The following SKIL variants were observed in gnomAD, a reference collection of about 807,000 sequenced individuals.
The protein encoded by SKIL is ski-like protein.
SKIL carries 20 observed loss-of-function variants against 69.6 expected under a neutral mutation model. The observed-to-expected ratio is 0.29, with a 90% CI of 0.20 to 0.42. The LOEUF is 0.42. Ranked by LOEUF, SKIL falls within the 10% of genes least tolerant of loss-of-function variation. The probability of loss-of-function intolerance (pLI) is 1.00; values close to 1 mark genes in which losing one functional copy is unlikely to be tolerated. For missense variants in SKIL, 745 were observed against 783.1 expected (o/e 0.95, Z 0.58); for synonymous variants, 310 against 279.9 (o/e 1.11, Z -1.08).
intron 2 of SKIL, among the ~76,000 whole-genome samples, chr3:170,369,082 A>ATTTTTTTTTTTTTT (rs55652320): frequency 7.9e-6 from 1 of 126,776 alleles, no homozygotes; most frequent in African/African-American, 3.0e-5. Flanking sequence ...TATCCCTGGC[A>ATTTTTTTTTTTTTT]TTTTTTTTTT....
At chr3:170,374,836 T>C (rs1736956442) in intron 2 of SKIL, among the ~76,000 whole-genome samples, 2 of 152,342 alleles carry the variant, frequency 1.3e-5, no homozygotes, top group African/African-American at 4.8e-5. Flanking sequence ...TTGTATTGTT[T>C]AATTTATATC....
intron 2 of SKIL, among the ~76,000 whole-genome samples, chr3:170,373,099 C>T (rs781444644): frequency 1.3e-5 from 2 of 149,964 alleles, no homozygotes; most frequent in African/African-American, 2.5e-5. Context: ...CAGGTTCAAG[C>T]GATTCTCTTG....
At chr3:170,372,512 C>CT (rs750023745) in intron 2 of SKIL, among the ~76,000 whole-genome samples, 28 of 152,336 alleles carry the variant, frequency 1.8e-4, no homozygotes, top group Non-Finnish European at 3.4e-4. Flanking sequence ...CTTGAAATCT[C>CT]TAAGTAGCTA....
At position 170,392,242 on chromosome 3, in the gene SKIL, C is replaced by T. The variant is rs1177971826; in HGVS notation, c.1897-17C>T. On this transcript the variant is annotated splice_polypyrimidine_tract_variant and intron_variant, in intron 6 of 6. Coordinates refer to ENST00000259119, the MANE Select transcript of SKIL (RefSeq NM_005414.5). ...AACAAAACAATTAAAATTGATAGCG[C>T]CTTTTAAATCACATAGTTGGCAGAA... The T allele has an allele frequency of 1.5e-5, 24 of 1,559,740 alleles. No individual in the cohort carries two copies. Among genetic ancestry groups the T allele is most frequent in the Non-Finnish European group, 1.8e-5 (21 of 1,155,702 alleles).
chr3:170,366,535 C>T (rs1736522052), intron 2 of SKIL, among the ~76,000 whole-genome samples: 1 of 152,042 alleles, frequency 6.6e-6, no homozygotes, highest in African/African-American at 2.4e-5. Context: ...CAAAAGTTAG[C>T]AGGGGATGGT....
chr3:170,370,016 G>A (rs999697098), intron 2 of SKIL, among the ~76,000 whole-genome samples: 6 of 151,814 alleles, frequency 4.0e-5, no homozygotes, highest in Admixed American at 3.3e-4. Context: ...GAGACGGGCG[G>A]ATCATGAGGT....
intron 2 of SKIL, among the ~76,000 whole-genome samples, chr3:170,380,556 T>C (rs1187281322): frequency 6.6e-6 from 1 of 151,574 alleles, no homozygotes; most frequent in Non-Finnish European, 1.5e-5. Flanking sequence ...AAGCAGAGAA[T>C]CGCTTGAACC....
intron 2 of SKIL, among the ~76,000 whole-genome samples, chr3:170,365,931 T>G (rs899510281): frequency 2.0e-5 from 3 of 152,028 alleles, no homozygotes; most frequent in Non-Finnish European, 4.4e-5. Flanking sequence ...AATTTTTTTA[T>G]TTTTAGTCCA....
At chr3:170,369,082 A>ATTTTTTTTTTTTTTTTTTTTTTT (rs55652320) in intron 2 of SKIL, among the ~76,000 whole-genome samples, 1 of 126,776 alleles carries the variant, frequency 7.9e-6, no homozygotes, top group African/African-American at 3.0e-5. Flanking sequence ...TATCCCTGGC[A>ATTTTTTTTTTTTTTTTTTTTTTT]TTTTTTTTTT....
intron 2 of SKIL, among the ~76,000 whole-genome samples, chr3:170,371,757 C>T (rs1431718047): frequency 6.6e-6 from 1 of 152,134 alleles, no homozygotes; most frequent in African/African-American, 2.4e-5. Flanking sequence ...TCATTACATA[C>T]AATGGATGCC....
At chr3:170,384,415 A>G (rs1737512545) in intron 3 of SKIL, 118 bp from the exon 4 acceptor site, 2 of 567,248 alleles carry the variant, frequency 3.5e-6, no homozygotes, top group South Asian at 2.5e-5. Context: ...GAGTTGTAAT[A>G]TTGTCTGTTT....
At chr3:170,383,312 A>G (rs1224609755) in intron 3 of SKIL, among the ~76,000 whole-genome samples, 2 of 152,214 alleles carry the variant, frequency 1.3e-5, no homozygotes, top group African/African-American at 4.8e-5. Context: ...CCTGTCAGAA[A>G]ACTGAGATTT....
At chr3:170,369,107 G>A (rs1290426560) in intron 2 of SKIL, among the ~76,000 whole-genome samples, 1 of 91,180 alleles carries the variant, frequency 1.1e-5, no homozygotes, top group Non-Finnish European at 2.1e-5. Context: ...TTTTTTTTTT[G>A]AAATCTGTAG....
chr3:170,373,032 G>T (rs1168928233), intron 2 of SKIL, among the ~76,000 whole-genome samples: 1 of 140,102 alleles, frequency 7.1e-6, no homozygotes, highest in East Asian at 2.1e-4. Context: ...CTGTCGCCCA[G>T]GCTGGAGTTC....
chr3:170,369,792 C>T (rs1160686155), intron 2 of SKIL, among the ~76,000 whole-genome samples: 1 of 152,146 alleles, frequency 6.6e-6, no homozygotes, highest in Non-Finnish European at 1.5e-5. Flanking sequence ...AGGGGTAGAA[C>T]TTGTTTGAGA....
At chr3:170,379,805 C>T (rs1054008830) in intron 2 of SKIL, among the ~76,000 whole-genome samples, 4 of 151,936 alleles carry the variant, frequency 2.6e-5, no homozygotes, top group Admixed American at 1.3e-4. Flanking sequence ...CACCATGCCT[C>T]GTTAAGTTTT....
At chr3:170,380,995 ATTTTTT>A (rs35175326) in intron 2 of SKIL, among the ~76,000 whole-genome samples, 18 of 140,124 alleles carry the variant, frequency 1.3e-4, no homozygotes, top group Middle Eastern at 3.7e-3. Context: ...CAACTGGCTA[ATTTTTT>A]TTTTTTTTTT....
chr3:170,376,898 A>G (rs1395700495), intron 2 of SKIL, among the ~76,000 whole-genome samples: 1 of 152,204 alleles, frequency 6.6e-6, no homozygotes, highest in Non-Finnish European at 1.5e-5. Flanking sequence ...ATTCTTAAAC[A>G]TTAATTACCA....
chr3:170,365,406 C>G (rs1736448270), intron 2 of SKIL, among the ~76,000 whole-genome samples: 1 of 152,172 alleles, frequency 6.6e-6, no homozygotes, highest in Non-Finnish European at 1.5e-5. Flanking sequence ...TTTTTGAATG[C>G]TGACATGGCA....
Sources: gnomAD v4.1 joint callset for allele counts (sites outside exome capture counted in the v4.1 genomes callset) on GRCh38, gnomAD v4.1.1 for gene constraint, MANE v1.5 for transcripts, NCBI Gene and HGNC (gene_info 2026-07-23, HGNC 2026-07-21) for gene names.